The following INPP4B variants were observed in gnomAD, a reference collection of about 807,000 sequenced individuals.
INPP4B encodes the protein inositol polyphosphate 4-phosphatase type II.
In INPP4B, 55 loss-of-function variants were observed where a neutral mutation model predicts 122.5. The ratio of observed to expected loss-of-function variants is 0.45; its 90% CI spans 0.36 to 0.56. The LOEUF is 0.56. Among genes scored for constraint, INPP4B ranks in the 20% least tolerant of loss-of-function variants. The pLI, the probability that INPP4B is intolerant of heterozygous loss-of-function variation, is 0.00. For synonymous variants in INPP4B, 403 were observed against 388.7 expected, an observed-to-expected ratio of 1.04 and a Z score of -0.43; for missense variants, 1,000 against 1,097.7, an observed-to-expected ratio of 0.91 and a Z score of 1.26.
chr4:142,775,783 T>C (rs1773810983), intron 1 of INPP4B, among the ~76,000 whole-genome samples: 1 of 152,164 alleles, frequency 6.6e-6, no homozygotes, highest in South Asian at 2.1e-4. Flanking sequence ...CATTATCAGA[T>C]ATGTTATTTA....
rs114974681 is a variant in INPP4B, at chr4:142,472,359, A to G, written c.-190-9633T>C. ...AAAAAGTCATTGTGTCCAATTACCC[A>G]TCTGCTATTTCAATTACCTTTACCC... On this transcript the variant is annotated intron_variant, in intron 2 of 25. Coordinates refer to ENST00000262992, the MANE Select transcript of INPP4B (RefSeq NM_001101669.3). 2.7e-3 allele frequency among the ~76,000 whole-genome samples: 415 copies of G among 151,890 alleles called. 2 individuals carry two copies. The highest frequency in any genetic ancestry group is 9.9e-3 in the African/African-American group (409 of 41,486).
intron 14 of INPP4B, among the ~76,000 whole-genome samples, chr4:142,207,457 T>A (rs1296496697): frequency 6.6e-6 from 1 of 152,334 alleles, no homozygotes; most frequent in South Asian, 2.1e-4. Context: ...CTGTAACTAC[T>A]ATGTTGTGAC....
At chr4:142,795,146 A>G (rs1777065570) in intron 1 of INPP4B, 1 of 152,024 alleles carries the variant, frequency 6.6e-6, no homozygotes, top group Non-Finnish European at 1.5e-5. Context: ...TATAACATTA[A>G]GTGAAAATGC....
intron 1 of INPP4B, among the ~76,000 whole-genome samples, chr4:142,835,470 G>A (rs996555661): frequency 8.6e-5 from 13 of 152,036 alleles, no homozygotes; most frequent in Non-Finnish European, 1.2e-4. Flanking sequence ...CAGCTTATAC[G>A]TATGAAAAAA....
chr4:142,621,490 A>G (rs189770944), intron 2 of INPP4B, among the ~76,000 whole-genome samples: 1 of 152,058 alleles, frequency 6.6e-6, no homozygotes, highest in Non-Finnish European at 1.5e-5. Context: ...ATATTTTTGG[A>G]TGTCAATCAT....
rs866217456 is a variant in INPP4B at position 142,193,108 on chromosome 4, C to T, written c.1160G>A (p.Arg387Lys). Residue 387 changes from arginine to lysine, a missense_variant, in exon 15 of 26, where the codon AGA becomes AAA. Coordinates refer to ENST00000262992, the MANE Select transcript of INPP4B (RefSeq NM_001101669.3). ...KNGGLRKLLH[R>K]FETERRNTGY... is the part of the protein sequence containing the mutation. ...TTACTTTCTTCTTTCTGTTTCAAAT[C>T]TATGGAGTAGCTTCCGAAGACCACC... 1 of 1,609,192 alleles carries T rather than the reference C, an allele frequency of 6.2e-7. No homozygotes were observed. The highest frequency in any genetic ancestry group is 8.5e-7 in the Non-Finnish European group (1 of 1,175,582).
At chr4:142,031,494 G>A (rs1286664946) in intron 25 of INPP4B, among the ~76,000 whole-genome samples, 1 of 152,126 alleles carries the variant, frequency 6.6e-6, no homozygotes, top group South Asian at 2.1e-4. Flanking sequence ...CAACCATGTT[G>A]TGCTGTGCTC....
intron 7 of INPP4B, among the ~76,000 whole-genome samples, chr4:142,399,671 C>T (rs1000715017): frequency 1.3e-5 from 2 of 152,160 alleles, no homozygotes; most frequent in Admixed American, 6.5e-5. Flanking sequence ...ATCAACTTTA[C>T]TATACGAACT....
At chr4:142,283,604 C>A (rs896831181) in intron 9 of INPP4B, among the ~76,000 whole-genome samples, 1 of 152,116 alleles carries the variant, frequency 6.6e-6, no homozygotes, top group Non-Finnish European at 1.5e-5. Flanking sequence ...CAGCACGTTA[C>A]TGTACTGAAT....
At chr4:142,789,951 C>A (rs1289958475) in intron 1 of INPP4B, among the ~76,000 whole-genome samples, 1 of 151,964 alleles carries the variant, frequency 6.6e-6, no homozygotes, top group Non-Finnish European at 1.5e-5. Flanking sequence ...GCCAACTGAT[C>A]TTCAACAAAG....
intron 1 of INPP4B, among the ~76,000 whole-genome samples, chr4:142,825,949 C>T (rs189065355): frequency 1.3e-5 from 2 of 152,014 alleles, no homozygotes; most frequent in African/African-American, 4.8e-5. Context: ...TGTCTTATCT[C>T]GTGTTTTTAC....
At chr4:142,176,200 CATATGT>C (rs1828182743) in intron 15 of INPP4B, among the ~76,000 whole-genome samples, 1 of 149,822 alleles carries the variant, frequency 6.7e-6, no homozygotes, top group African/African-American at 2.4e-5. Context: ...AGGTTTGTTA[CATATGT>C]ATATGTGTGC....
At chr4:142,590,189 G>A (rs1214050712) in intron 2 of INPP4B, among the ~76,000 whole-genome samples, 1 of 152,108 alleles carries the variant, frequency 6.6e-6, no homozygotes, top group Non-Finnish European at 1.5e-5. Context: ...TACTATAATG[G>A]TGAATACATG....
intron 2 of INPP4B, chr4:142,566,159 G>C (rs1731573586): frequency 6.6e-6 from 1 of 152,182 alleles, no homozygotes; most frequent in Non-Finnish European, 1.5e-5. Flanking sequence ...GATGAAAACT[G>C]TGCCTCGAGG....
intron 7 of INPP4B, among the ~76,000 whole-genome samples, chr4:142,340,927 G>T (rs375361968): frequency 6.6e-6 from 1 of 152,096 alleles, no homozygotes; most frequent in Non-Finnish European, 1.5e-5. Context: ...TATCATATCT[G>T]GTTCTGAGAA....
intron 12 of INPP4B, among the ~76,000 whole-genome samples, chr4:142,232,239 T>A (rs1172720881): frequency 1.3e-5 from 2 of 152,224 alleles, no homozygotes; most frequent in East Asian, 3.9e-4. Context: ...CTTGGCTTTA[T>A]TGCTCTTCAC....
chr4:142,818,210 C>A (rs569723361), intron 1 of INPP4B, among the ~76,000 whole-genome samples: 25 of 152,192 alleles, frequency 1.6e-4, no homozygotes, highest in African/African-American at 4.8e-4. Flanking sequence ...GTCACTGAGT[C>A]CCCCCTACTC....
chr4:142,458,749 A>G (rs145258512), intron 3 of INPP4B, among the ~76,000 whole-genome samples: 2 of 152,324 alleles, frequency 1.3e-5, no homozygotes, highest in African/African-American at 4.8e-5. Context: ...CTGAATACAC[A>G]TCAATAAAAA....
chr4:142,625,876 A>G lies in INPP4B; in HGVS notation c.-191+99963T>C, dbSNP rs547570761. Among the ~76,000 whole-genome samples, 32 of 152,326 alleles carry G rather than the reference A, an allele frequency of 2.1e-4. No individual in the cohort carries two copies. The South Asian group carries it at 5.0e-3, about 24-fold the overall frequency. On this transcript the variant is annotated intron_variant, in intron 2 of 25. Coordinates refer to ENST00000262992, the MANE Select transcript of INPP4B (RefSeq NM_001101669.3). Reference sequence around the variant, plus strand: ...TTGACAAACCTGACAAAAACAAGAAATGGGGAAAGGATTCCCTACTTAATA... The same window carrying G: ...TTGACAAACCTGACAAAAACAAGAAGTGGGGAAAGGATTCCCTACTTAATA...
Sources: allele counts gnomAD v4.1 joint callset (sites outside exome capture counted in the v4.1 genomes callset), GRCh38; gene constraint gnomAD v4.1.1; transcripts MANE v1.5; gene names NCBI Gene and HGNC (gene_info 2026-07-23, HGNC 2026-07-21).